The following LRRD1 variants were observed in gnomAD, a reference collection of about 807,000 sequenced individuals.
LRRD1 encodes the protein leucine-rich repeat and death domain-containing protein 1.
A neutral mutation model predicts 69.5 loss-of-function variants in LRRD1; 49 were observed. The observed-to-expected ratio is 0.70, with a 90% CI of 0.56 to 0.89. The LOEUF is 0.89. Ranked by LOEUF, LRRD1 falls within the 40% of genes least tolerant of loss-of-function variation. The pLI, the probability that LRRD1 is intolerant of heterozygous loss-of-function variation, is 0.00. For missense variants in LRRD1, 853 were observed against 956.0 expected (o/e 0.89, Z 1.42); for synonymous variants, 303 against 338.9 (o/e 0.89, Z 1.16).
At chr7:92,152,306 A>G (rs1820491086) in intron 3 of LRRD1, among the ~76,000 whole-genome samples, 1 of 151,916 alleles carries the variant, frequency 6.6e-6, no homozygotes, top group East Asian at 1.9e-4. Context: ...CAACAATATC[A>G]GTGTTGTGTG....
chr7:92,159,098 T>A lies in LRRD1; in HGVS notation c.2023A>T (p.Asn675Tyr). ...EIPRNIGELR[N>Y]LVSLHAYNNQ... ...TTGTATGCATGTAAACTAACCAAAT[T>A]TCTCAATTCTCCTATATTTCTTGGA... The change falls in exon 3 of 6, where the codon AAT becomes TAT. Residue 675 changes from asparagine to tyrosine, a missense_variant. Physicochemically the swap from Asn to Tyr is moderately radical, Grantham distance 143. Coordinates refer to ENST00000458448, the MANE Select transcript of LRRD1 (RefSeq NM_001161528.2). 1 of 1,547,232 alleles carries A rather than the reference T, an allele frequency of 6.5e-7. No homozygotes were observed. Among genetic ancestry groups the A allele is most frequent in the Non-Finnish European group, 8.7e-7 (1 of 1,145,244 alleles).
In LRRD1 at chr7:92,164,638, C is replaced by T; in HGVS notation, c.565G>A (p.Gly189Arg). Reference protein sequence around the residue: ...FQGADSGDLLGLEILSLQENG... With the variant: ...FQGADSGDLLRLEILSLQENG... ...TCTTGCAGGGATAGAATTTCAAGTC[C>T]TAACAGATCACCTGAGTCTGCCCCT... Residue 189 changes from glycine (G) to arginine (R), a missense_variant, in exon 2 of 6, where the codon GGA becomes AGA. Physicochemically the swap from Gly to Arg is moderately radical, Grantham distance 125. This residue lies in a region of LRRD1 where 739 missense variants were observed against 808.0 expected (regional missense o/e 0.91). Coordinates refer to ENST00000458448, the MANE Select transcript of LRRD1 (RefSeq NM_001161528.2). The T allele has an allele frequency of 6.4e-7, 1 of 1,551,716 alleles. No homozygotes were observed. The highest frequency in any genetic ancestry group is 8.7e-7 in the Non-Finnish European group (1 of 1,146,884).
intron 4 of LRRD1, among the ~76,000 whole-genome samples, chr7:92,150,208 G>A (rs577973713): frequency 3.3e-5 from 5 of 152,278 alleles, no homozygotes; most frequent in Admixed American, 6.5e-5. Flanking sequence ...GCTCACGCCC[G>A]TAATCCCAAC....
At chr7:92,167,791 G>A (rs1428281963) in intron 1 of LRRD1, among the ~76,000 whole-genome samples, 12 of 140,404 alleles carry the variant, frequency 8.5e-5, no homozygotes, top group Non-Finnish European at 1.5e-5. Context: ...GCAGGAGAAC[G>A]GCATGAACCC....
chr7:92,160,752 G>T (rs1163691364), intron 2 of LRRD1, among the ~76,000 whole-genome samples: 1 of 152,222 alleles, frequency 6.6e-6, no homozygotes, highest in Non-Finnish European at 1.5e-5. Context: ...GGCAGAGGTT[G>T]CAGTGAGCTG....
intron 4 of LRRD1, among the ~76,000 whole-genome samples, chr7:92,149,703 A>G (rs13230837): frequency 0.36 from 55,047 of 151,958 alleles, 10,286 homozygotes; most frequent in Middle Eastern, 0.39. Context: ...AATGTATTTT[A>G]TTTATTTATT....
chr7:92,150,496 G>T, intron 4 of LRRD1, 38 bp downstream of exon 4: 2 of 1,435,004 alleles, frequency 1.4e-6, no homozygotes, highest in Non-Finnish European at 1.8e-6. Flanking sequence ...AAATAAAAAA[G>T]AAATGACTTG....
downstream of LRRD1, chr7:92,144,840 A>C: frequency 8.8e-7 from 1 of 1,138,712 alleles, no homozygotes; most frequent in African/African-American, 1.6e-5. Context: ...ACACAGTTTC[A>C]ATTATAAGTG....
At chr7:92,161,210 T>C (rs1018695535) in intron 2 of LRRD1, among the ~76,000 whole-genome samples, 1 of 152,280 alleles carries the variant, frequency 6.6e-6, no homozygotes, top group African/African-American at 2.4e-5. Flanking sequence ...ATCTGACTTT[T>C]CTTCAGATAA....
intron 1 of LRRD1, among the ~76,000 whole-genome samples, chr7:92,174,389 T>C (rs1789118523): frequency 6.8e-6 from 1 of 148,118 alleles, no homozygotes; most frequent in Admixed American, 6.8e-5. Flanking sequence ...GCTTCACTGA[T>C]TTGATCTTTA....
At chr7:92,173,811 A>G (rs1372123328) in intron 1 of LRRD1, among the ~76,000 whole-genome samples, 1 of 152,204 alleles carries the variant, frequency 6.6e-6, no homozygotes, top group African/African-American at 2.4e-5. Context: ...TATATGGTTC[A>G]GGAATTCCAC....
In LRRD1 at chr7:92,163,956, T is replaced by C; in HGVS notation, c.1247A>G (p.Lys416Arg). The stretch of plus-strand genomic sequence containing the variant: ...ATGGAGTTTTCTTAAATTGTTAAGC[T>C]TATGGATGTACTTAGGGAGTTCTGT... ...KLTELPKYIH[K>R]LNNLRKLHVN... The change falls in exon 2 of 6, where the codon AAG becomes AGG. Residue 416 changes from lysine (K) to arginine (R), a missense_variant. This residue lies in a region of LRRD1 where 739 missense variants were observed against 808.0 expected (regional missense o/e 0.91). Coordinates refer to ENST00000458448, the MANE Select transcript of LRRD1 (RefSeq NM_001161528.2). 6.5e-7 allele frequency: 1 copy of C among 1,537,012 alleles called. No individual in the cohort carries two copies. Among genetic ancestry groups the C allele is most frequent in the Non-Finnish European group, 8.8e-7 (1 of 1,141,684 alleles).
chr7:92,147,001 A>AT (rs1183133237), intron 4 of LRRD1, among the ~76,000 whole-genome samples: 2 of 151,628 alleles, frequency 1.3e-5, no homozygotes, highest in African/African-American at 2.4e-5. Context: ...CATTTGTTCC[A>AT]TTTTTTTCTA....
chr7:92,170,430 A>G (rs183250315), intron 1 of LRRD1, among the ~76,000 whole-genome samples: 1 of 152,354 alleles, frequency 6.6e-6, no homozygotes, highest in East Asian at 1.9e-4. Context: ...AGGCTACTTT[A>G]AGGCATGTAA....
intron 1 of LRRD1, among the ~76,000 whole-genome samples, chr7:92,176,994 A>T (rs1387466675): frequency 6.7e-6 from 1 of 148,478 alleles, no homozygotes; most frequent in East Asian, 2.0e-4. Flanking sequence ...ATAATATATA[A>T]ATAATAAAAA....
chr7:92,161,306 T>C (rs756741591), intron 2 of LRRD1, among the ~76,000 whole-genome samples: 1 of 152,266 alleles, frequency 6.6e-6, no homozygotes, highest in Non-Finnish European at 1.5e-5. Context: ...TTCAACTACA[T>C]GGGATATTCT....
At chr7:92,143,230 G>T (rs565941493), downstream of LRRD1, among the ~76,000 whole-genome samples, 1 of 152,260 alleles carries the variant, frequency 6.6e-6, no homozygotes, top group African/African-American at 2.4e-5. Flanking sequence ...GCCGATTGGT[G>T]TATTTACAAT....
intron 1 of LRRD1, among the ~76,000 whole-genome samples, chr7:92,174,103 C>T (rs1163695349): frequency 1.3e-5 from 2 of 151,952 alleles, no homozygotes; most frequent in Admixed American, 6.6e-5. Flanking sequence ...TATGTTCTCA[C>T]TCATATGTGG....
rs61740629 is a variant in LRRD1 at position 92,159,114 on chromosome 7, A to G, written c.2007T>C (p.Asn669=). 2,653 of 1,547,798 alleles carry G rather than the reference A, an allele frequency of 1.7e-3. 20 individuals carry two copies. The highest frequency in any genetic ancestry group is 1.5e-3 in the Non-Finnish European group (1,739 of 1,145,224). ...SNNAIREIPR[N]IGELRNLVSL... is the part of the protein sequence containing the mutation. Reference sequence around the variant, plus strand: ...TAACCAAATTTCTCAATTCTCCTATATTTCTTGGAATCTCTCTGATTGCAT... The same window carrying G: ...TAACCAAATTTCTCAATTCTCCTATGTTTCTTGGAATCTCTCTGATTGCAT... The change falls in exon 3 of 6, where the codon AAT becomes AAC. Residue 669 remains asparagine (N), a synonymous_variant. Transcript: ENST00000458448.
Sources: allele counts gnomAD v4.1 joint callset (sites outside exome capture counted in the v4.1 genomes callset), GRCh38; gene constraint gnomAD v4.1.1; regional missense constraint gnomAD v4.1.1; transcripts MANE v1.5; gene names NCBI Gene and HGNC (gene_info 2026-07-23, HGNC 2026-07-21).